TMEM132D: variants seen among roughly 807,000 people sequenced by gnomAD.
TMEM132D encodes the protein transmembrane protein 132D, also known as mature OL transmembrane protein.
TMEM132D carries 21 observed loss-of-function variants against 62.3 expected under a neutral mutation model. That is an observed-to-expected ratio of 0.34 (90% CI 0.24 to 0.49). The LOEUF is 0.49. Ranked by LOEUF, TMEM132D falls within the 20% of genes least tolerant of loss-of-function variation. TMEM132D has a pLI of 0.99. For missense variants in TMEM132D, 1,346 were observed against 1,402.8 expected, an observed-to-expected ratio of 0.96 and a Z score of 0.65; for synonymous variants, 621 against 575.6, an observed-to-expected ratio of 1.08 and a Z score of -1.13.
At chr12:129,079,602 G>T (rs1489060862) in intron 7 of TMEM132D, among the ~76,000 whole-genome samples, 7 of 152,240 alleles carry the variant, frequency 4.6e-5, no homozygotes, top group Non-Finnish European at 1.0e-4. Flanking sequence ...CCATTCTCCT[G>T]CTTTCTCGAC....
intron 4 of TMEM132D, among the ~76,000 whole-genome samples, chr12:129,312,449 G>A (rs1354614467): frequency 6.6e-6 from 1 of 152,216 alleles, no homozygotes; most frequent in African/African-American, 2.4e-5. Flanking sequence ...TGGGAAGTGA[G>A]CTGAATCTGA....
intron 3 of TMEM132D, among the ~76,000 whole-genome samples, chr12:129,368,303 TG>T (rs1870487430): frequency 6.6e-6 from 1 of 152,158 alleles, no homozygotes; most frequent in African/African-American, 2.4e-5. Context: ...GCACACATCA[TG>T]TATAAATACA....
chr12:129,369,627 G>C (rs1222103681), intron 3 of TMEM132D, among the ~76,000 whole-genome samples: 3 of 152,198 alleles, frequency 2.0e-5, no homozygotes, highest in Non-Finnish European at 4.4e-5. Flanking sequence ...GCCATTGAGA[G>C]GCTGTTTGGG....
chr12:129,117,001 C>G (rs752561117), intron 5 of TMEM132D, among the ~76,000 whole-genome samples: 36 of 142,534 alleles, frequency 2.5e-4, no homozygotes, highest in Non-Finnish European at 1.2e-4. Context: ...AAATTGGAAG[C>G]AACCAAGATA....
chr12:129,541,466 T>C (rs1312028133), intron 2 of TMEM132D, among the ~76,000 whole-genome samples: 2 of 152,182 alleles, frequency 1.3e-5, no homozygotes, highest in African/African-American at 4.8e-5. Flanking sequence ...AACAGAACTT[T>C]GATATAGGCT....
chr12:129,293,879 C>T (rs570252790), intron 4 of TMEM132D, among the ~76,000 whole-genome samples: 5 of 152,284 alleles, frequency 3.3e-5, no homozygotes, highest in Non-Finnish European at 5.9e-5. Context: ...TAACCAGCCA[C>T]GGACCAATAC....
At chr12:129,154,729 C>CT (rs1369390009) in intron 5 of TMEM132D, among the ~76,000 whole-genome samples, 3 of 152,164 alleles carry the variant, frequency 2.0e-5, no homozygotes, top group African/African-American at 2.4e-5. Flanking sequence ...CTTATTATAT[C>CT]TTTTTTATTT....
intron 1 of TMEM132D, among the ~76,000 whole-genome samples, chr12:129,713,660 G>T (rs1386502235): frequency 6.6e-6 from 1 of 152,166 alleles, no homozygotes; most frequent in Non-Finnish European, 1.5e-5. Context: ...TGAGAGGCAG[G>T]TGTGTGAGTC....
intron 1 of TMEM132D, among the ~76,000 whole-genome samples, chr12:129,822,397 TG>T (rs1387525671): frequency 2.6e-5 from 4 of 152,014 alleles, no homozygotes; most frequent in African/African-American, 9.7e-5. Context: ...GTAACACAGG[TG>T]GAAGTCAGGG....
chr12:129,186,815 T>C (rs1878234760), intron 5 of TMEM132D, among the ~76,000 whole-genome samples: 1 of 152,234 alleles, frequency 6.6e-6, no homozygotes, highest in Non-Finnish European at 1.5e-5. Flanking sequence ...ACAACGTCAT[T>C]GTGAAAGTGA....
chr12:129,650,285 A>G (rs1386842894), intron 2 of TMEM132D, among the ~76,000 whole-genome samples: 1 of 152,182 alleles, frequency 6.6e-6, no homozygotes, highest in East Asian at 1.9e-4. Flanking sequence ...ATATTGATAC[A>G]GTTACAGTTC....
At position 129,507,201 on chromosome 12, in the gene TMEM132D, A is replaced by T. The variant is rs536353370; in HGVS notation, c.1115+23858T>A. Among the ~76,000 whole-genome samples the T allele has an allele frequency of 2.6e-5, 4 of 152,270 alleles. No homozygotes were observed. In the East Asian group the frequency reaches 7.7e-4, roughly 29 times the overall value. On this transcript the variant is annotated intron_variant, in intron 3 of 8. Transcript: ENST00000422113. ...ATAATGGCCATAATAAAAAAATAAA[A>T]AATAAATAATAGATGTTGGTGTGGA...
At chr12:129,785,918 A>AATAGCAG (rs1871237214) in intron 1 of TMEM132D, among the ~76,000 whole-genome samples, 1 of 152,170 alleles carries the variant, frequency 6.6e-6, no homozygotes, top group Non-Finnish European at 1.5e-5. Flanking sequence ...TATCACTCGA[A>AATAGCAG]ATAGCAGTTT....
chr12:129,189,504 G>C (rs1483129923), intron 5 of TMEM132D, among the ~76,000 whole-genome samples: 1 of 152,160 alleles, frequency 6.6e-6, no homozygotes, highest in Non-Finnish European at 1.5e-5. Flanking sequence ...GTCACTGCCA[G>C]TGTGGCTGGC....
chr12:129,893,727 GA>G (rs1875011116), intron 1 of TMEM132D, among the ~76,000 whole-genome samples: 1 of 152,196 alleles, frequency 6.6e-6, no homozygotes, highest in Admixed American at 6.5e-5. Flanking sequence ...GCAATATGGT[GA>G]AAATACTTTA....
intron 4 of TMEM132D, among the ~76,000 whole-genome samples, chr12:129,336,035 G>A (rs1869261783): frequency 2.6e-5 from 4 of 152,212 alleles, no homozygotes. Context: ...TGCTGAAGTA[G>A]AAGGAAAGAT....
intron 2 of TMEM132D, among the ~76,000 whole-genome samples, chr12:129,688,206 C>G (rs1016809190): frequency 1.3e-5 from 2 of 152,166 alleles, no homozygotes; most frequent in African/African-American, 4.8e-5. Context: ...CAGGCATTTA[C>G]TTACATGAAT....
chr12:129,571,348 G>A (rs1250042270), intron 2 of TMEM132D, among the ~76,000 whole-genome samples: 2 of 152,174 alleles, frequency 1.3e-5, no homozygotes, highest in Non-Finnish European at 2.9e-5. Context: ...AGTGGATCAT[G>A]AGGTCAGTAG....
intron 2 of TMEM132D, among the ~76,000 whole-genome samples, chr12:129,638,031 A>C (rs1879533259): frequency 6.6e-6 from 1 of 152,174 alleles, no homozygotes; most frequent in African/African-American, 2.4e-5. Flanking sequence ...GCAGGTATTG[A>C]GCTGTCACTC....
Sources: gnomAD v4.1 joint callset for allele counts (sites outside exome capture counted in the v4.1 genomes callset) on GRCh38, gnomAD v4.1.1 for gene constraint, MANE v1.5 for transcripts, NCBI Gene and HGNC (gene_info 2026-07-23, HGNC 2026-07-21) for gene names.